Variants in IGF1R observed in about 807,000 individuals in gnomAD.
The protein encoded by IGF1R is insulin-like growth factor 1 receptor.
A neutral mutation model predicts 144.6 loss-of-function variants in IGF1R; 44 were observed. The observed-to-expected ratio is 0.30, with a 90% confidence interval of 0.24 to 0.39. The LOEUF (loss-of-function observed/expected upper bound fraction) is 0.39, where lower values mean the gene tolerates loss of function less well. Ranked by LOEUF, IGF1R falls within the 10% of genes least tolerant of loss-of-function variation. The pLI is 1.00. For synonymous variants in IGF1R, 795 were observed against 722.8 expected (o/e 1.10, Z -1.60); for missense variants, 1,355 against 1,833.7 (o/e 0.74, Z 4.77).
chr15:98,684,787 A>G (rs182426889), intron 1 of IGF1R, among the ~76,000 whole-genome samples: 2 of 152,202 alleles, frequency 1.3e-5, no homozygotes, highest in Admixed American at 6.5e-5. Context: ...CTGGGCTTGC[A>G]TTCTATCCAG....
Position 98,649,390 on chromosome 15 carries a change from G to A in IGF1R, c.-192G>A. On this transcript the variant is annotated 5_prime_UTR_variant, in exon 1 of 21. Coordinates refer to ENST00000650285, the MANE Select transcript of IGF1R (RefSeq NM_000875.5). ...GCTGAGGGGCCGCCCCGCGCCGCCC[G>A]CCCCGTCCGCGCACCCGGAGGGCCC... 6.4e-6 allele frequency: 2 copies of A among 313,998 alleles called. No individual in the cohort carries two copies. The highest frequency in any genetic ancestry group is 1.1e-5 in the Non-Finnish European group (2 of 176,708). 19.5% of individuals were successfully genotyped at this position (313,998 alleles called of 1,614,324 possible).
intron 2 of IGF1R, among the ~76,000 whole-genome samples, chr15:98,729,563 C>CTTTTTTTTTTT (rs5814895): frequency 6.8e-6 from 1 of 146,016 alleles, no homozygotes; most frequent in Non-Finnish European, 1.5e-5. Flanking sequence ...CCCTAATGTG[C>CTTTTTTTTTTT]TTTTTTTTTT....
chr15:98,760,220 G>A (rs2055258997), intron 2 of IGF1R, among the ~76,000 whole-genome samples: 1 of 151,854 alleles, frequency 6.6e-6, no homozygotes. Context: ...GCATGGTGGT[G>A]CACATCTGTA....
chr15:98,925,020 C>T (rs1293088524), intron 13 of IGF1R, among the ~76,000 whole-genome samples: 1 of 151,112 alleles, frequency 6.6e-6, no homozygotes, highest in Non-Finnish European at 1.5e-5. Context: ...AAACAAAAGA[C>T]ATTTTATAAA....
At chr15:98,932,430 A>G (rs2015980215) in intron 15 of IGF1R, among the ~76,000 whole-genome samples, 2 of 152,218 alleles carry the variant, frequency 1.3e-5, no homozygotes, top group Non-Finnish European at 2.9e-5. Context: ...AACATTGTGC[A>G]CAGAAACCGC....
intron 20 of IGF1R, among the ~76,000 whole-genome samples, chr15:98,955,642 G>T (rs2016949530): frequency 6.6e-6 from 1 of 152,220 alleles, no homozygotes; most frequent in Non-Finnish European, 1.5e-5. Flanking sequence ...CTCCCTCAAG[G>T]TTGCACCTTC....
At chr15:98,840,679 T>G (rs1216996080) in intron 2 of IGF1R, among the ~76,000 whole-genome samples, 4 of 55,078 alleles carry the variant, frequency 7.3e-5, no homozygotes, top group African/African-American at 1.6e-4. Context: ...TTTGTTTTGT[T>G]TTTTTTTTTT....
intron 20 of IGF1R, among the ~76,000 whole-genome samples, chr15:98,953,579 A>T (rs565178856): frequency 1.3e-5 from 2 of 152,010 alleles, no homozygotes; most frequent in East Asian, 1.9e-4. Context: ...CTGCTGCGGG[A>T]TAAGGGCCAG....
At chr15:98,865,337 A>T (rs887864631) in intron 2 of IGF1R, among the ~76,000 whole-genome samples, 7 of 152,258 alleles carry the variant, frequency 4.6e-5, no homozygotes, top group Non-Finnish European at 8.8e-5. Context: ...ATGTTGGACT[A>T]ATTCCTAAAA....
intron 2 of IGF1R, among the ~76,000 whole-genome samples, chr15:98,877,513 T>TTTTTTTC (rs773470156): frequency 9.0e-5 from 10 of 111,432 alleles, no homozygotes; most frequent in East Asian, 3.4e-4. Context: ...TTTTTTTTTT[T>TTTTTTTC]CCCCAAAAAA....
At chr15:98,794,695 G>T (rs2056199659) in intron 2 of IGF1R, among the ~76,000 whole-genome samples, 2 of 152,140 alleles carry the variant, frequency 1.3e-5, no homozygotes, top group East Asian at 3.8e-4. Flanking sequence ...CTGCTATTTG[G>T]TTGTAACAAA....
chr15:98,740,846 C>T (rs1567104692), intron 2 of IGF1R, among the ~76,000 whole-genome samples: 1 of 152,142 alleles, frequency 6.6e-6, no homozygotes, highest in Non-Finnish European at 1.5e-5. Flanking sequence ...ACCCTATTCC[C>T]CTACTTTCTC....
In IGF1R at chr15:98,946,975, T is replaced by G. The variant is rs149662034; in HGVS notation, c.3588-1599T>G. Among the ~76,000 whole-genome samples, 765 of 152,338 alleles carry G rather than the reference T, an allele frequency of 5.0e-3. 7 individuals are homozygous for G. The highest frequency in any genetic ancestry group is 0.01 in the Middle Eastern group (3 of 294). On this transcript the variant is annotated intron_variant, in intron 19 of 20. Coordinates refer to ENST00000650285, the MANE Select transcript of IGF1R (RefSeq NM_000875.5). Reference sequence around the variant, plus strand: ...TTTTTGTTGTTGGAGAGCTAGTCATTTCTTGTACCAAGCTGCATTTCAGAT... The same window carrying G: ...TTTTTGTTGTTGGAGAGCTAGTCATGTCTTGTACCAAGCTGCATTTCAGAT...
chr15:98,653,706 A>G (rs550198426), intron 1 of IGF1R, among the ~76,000 whole-genome samples: 1 of 152,334 alleles, frequency 6.6e-6, no homozygotes, highest in Admixed American at 6.5e-5. Context: ...AAAGACCTAG[A>G]GAATAATTGT....
chr15:98,756,119 G>T (rs768151025), intron 2 of IGF1R, among the ~76,000 whole-genome samples: 2 of 151,958 alleles, frequency 1.3e-5, no homozygotes, highest in Non-Finnish European at 2.9e-5. Flanking sequence ...ACAGATAGGG[G>T]TCTTTAGTTT....
At position 98,914,625 on chromosome 15, in the gene IGF1R, C is replaced by T. The variant is rs150469715; in HGVS notation, c.1829-1339C>T. On this transcript the variant is annotated intron_variant, in intron 8 of 20. Coordinates refer to ENST00000650285, the MANE Select transcript of IGF1R (RefSeq NM_000875.5). The stretch of plus-strand genomic sequence containing the variant: ...TCATCTTAAAATTTGGAAGTAACCC[C>T]TGGCCAGCAATTCACTGTAGTGTTT... Among the ~76,000 whole-genome samples, 174 of 152,322 alleles carry T rather than the reference C, an allele frequency of 1.1e-3. No homozygotes were observed. In the Middle Eastern group the frequency reaches 0.014, roughly 12 times the overall value.
At chr15:98,652,934 CT>C (rs5814887) in intron 1 of IGF1R, among the ~76,000 whole-genome samples, 5,465 of 143,148 alleles carry the variant, frequency 0.038, 226 homozygotes, top group African/African-American at 0.1. Context: ...TCAATAAACC[CT>C]TTTTTTTTTT....
At chr15:98,899,909 C>T (rs191237738) in intron 5 of IGF1R, among the ~76,000 whole-genome samples, 44 of 152,244 alleles carry the variant, frequency 2.9e-4, no homozygotes, top group African/African-American at 9.6e-4. Context: ...GACGGGGGTG[C>T]GCTTAGGGCT....
chr15:98,850,908 G>A (rs1297364525), intron 2 of IGF1R, among the ~76,000 whole-genome samples: 9 of 152,100 alleles, frequency 5.9e-5, no homozygotes, highest in Non-Finnish European at 1.0e-4. Context: ...GTCTCCACTG[G>A]AGACACAAAT....
Sources: allele counts gnomAD v4.1 joint callset (sites outside exome capture counted in the v4.1 genomes callset), GRCh38; gene constraint gnomAD v4.1.1; transcripts MANE v1.5; gene names NCBI Gene and HGNC (gene_info 2026-07-23, HGNC 2026-07-21).